MAP3K7CL: variants seen among roughly 807,000 people sequenced by gnomAD.
The protein encoded by MAP3K7CL is MAP3K7 C-terminal like, also known as MAP3K7 C-terminal-like protein.
MAP3K7CL carries 16 observed loss-of-function variants against 18.6 expected under a neutral mutation model. That is an observed-to-expected ratio of 0.86 (90% confidence interval 0.58 to 1.31). The LOEUF is 1.31. MAP3K7CL is among the 50% of genes most tolerant of loss of function. The pLI is 0.00. For synonymous variants in MAP3K7CL, 65 were observed against 66.8 expected (o/e 0.97, Z 0.13); for missense variants, 163 against 174.4 (o/e 0.93, Z 0.37).
intron 1 of MAP3K7CL, among the ~76,000 whole-genome samples, chr21:29,086,917 T>G (rs2085934917): frequency 6.6e-6 from 1 of 152,190 alleles, no homozygotes; most frequent in Non-Finnish European, 1.5e-5. Flanking sequence ...GTTATCTCAG[T>G]CTTCACGACC....
chr21:29,147,780 T>C (rs1439567167), intron 2 of MAP3K7CL, among the ~76,000 whole-genome samples: 1 of 151,816 alleles, frequency 6.6e-6, no homozygotes, highest in East Asian at 1.9e-4. Context: ...GTACTGTATA[T>C]ATCTAACTGT....
intron 4 of MAP3K7CL, among the ~76,000 whole-genome samples, chr21:29,102,819 G>A (rs1405604526): frequency 6.6e-6 from 1 of 152,144 alleles, no homozygotes; most frequent in African/African-American, 2.4e-5. Flanking sequence ...TCTGGGGGAA[G>A]CTGCCATGTG....
chr21:29,085,720 C>G (rs2085913573), upstream of MAP3K7CL: 1 of 741,952 alleles, frequency 1.3e-6, no homozygotes, highest in African/African-American at 1.7e-5. Flanking sequence ...CTGTATTTAA[C>G]ATTAATTGAA....
At chr21:29,112,947 T>C (rs2898159) in intron 4 of MAP3K7CL, among the ~76,000 whole-genome samples, 27,841 of 152,058 alleles carry the variant, frequency 0.18, 2,804 homozygotes, top group South Asian at 0.23. Flanking sequence ...TTGCTGAGAT[T>C]ACAGGCCTGT....
Position 29,175,021 on chromosome 21 carries a change from AATGAGT to A in MAP3K7CL, c.*130_*135del, listed in dbSNP as rs2087935269. On this transcript the variant is annotated 3_prime_UTR_variant, in exon 5 of 5. Transcript: ENST00000399928. ...TATTACCCACATGACAACTGTCTAT[AATGAGT>A]TTACTGCTTGCCAGCTTCTAGCTTG... 1.1e-6 allele frequency: 1 copy of A among 891,036 alleles called. No homozygotes were observed. The allele number at this position is 891,036 out of a possible 1,614,324, so 55.2% of individuals were successfully genotyped here.
intron 1 of MAP3K7CL, among the ~76,000 whole-genome samples, chr21:29,090,307 C>A (rs1014707299): frequency 1.3e-5 from 2 of 152,100 alleles, no homozygotes; most frequent in African/African-American, 4.8e-5. Context: ...TCTTTTCTTT[C>A]TTCTACCAAA....
chr21:29,085,750 AT>A, upstream of MAP3K7CL: 1 of 1,009,758 alleles, frequency 9.9e-7, no homozygotes. Context: ...CATGGTTAGT[AT>A]GTTGTTTGAA....
chr21:29,150,618 T>G (rs1601245595), intron 3 of MAP3K7CL, among the ~76,000 whole-genome samples: 1 of 151,754 alleles, frequency 6.6e-6, no homozygotes, highest in East Asian at 1.9e-4. Flanking sequence ...AGCCATCACG[T>G]CTCCCTCTTT....
At chr21:29,136,112 TG>T (rs1392486935) in intron 2 of MAP3K7CL, among the ~76,000 whole-genome samples, 4 of 152,230 alleles carry the variant, frequency 2.6e-5, no homozygotes, top group African/African-American at 9.6e-5. Context: ...CCTCCTCCTA[TG>T]TTTTATGCAT....
chr21:29,133,029 A>T (rs1367506171), intron 1 of MAP3K7CL, among the ~76,000 whole-genome samples: 1 of 152,206 alleles, frequency 6.6e-6, no homozygotes, highest in Non-Finnish European at 1.5e-5. Context: ...GTGTAAAAAG[A>T]TATTGAGCAA....
intron 1 of MAP3K7CL, among the ~76,000 whole-genome samples, chr21:29,080,327 T>C (rs1010111452): frequency 2.0e-5 from 3 of 152,252 alleles, no homozygotes; most frequent in African/African-American, 7.2e-5. Flanking sequence ...GATACTTTCA[T>C]GTGAGGATTG....
chr21:29,109,050 G>T (rs2832181), intron 4 of MAP3K7CL: 764,615 of 1,530,994 alleles, frequency 0.5, 192,845 homozygotes, highest in East Asian at 0.67. Flanking sequence ...GTTGACATTC[G>T]TAACCTTCCT....
chr21:29,102,507 G>A (rs2146534697), intron 4 of MAP3K7CL: 1 of 141,952 alleles, frequency 7.0e-6, no homozygotes, highest in Non-Finnish European at 1.5e-5. Context: ...TTTAAACACA[G>A]GGTCTCGCTA....
At chr21:29,085,738 G>A (rs1009195496), upstream of MAP3K7CL, 13 of 894,986 alleles carry the variant, frequency 1.5e-5, no homozygotes, top group African/African-American at 3.3e-5. Context: ...GAATGCCAAC[G>A]GCATGGTTAG....
chr21:29,140,880 C>CTA (rs2063459077), intron 2 of MAP3K7CL, among the ~76,000 whole-genome samples: 1 of 152,178 alleles, frequency 6.6e-6, no homozygotes, highest in African/African-American at 2.4e-5. Flanking sequence ...TGGGCTCAAA[C>CTA]TATCCTCCCA....
chr21:29,109,320 A>G (rs2086380077), intron 4 of MAP3K7CL: 2 of 1,432,150 alleles, frequency 1.4e-6, no homozygotes, highest in Non-Finnish European at 9.1e-7. Context: ...CATGATCACT[A>G]TTCCTTCTAG....
At position 29,161,953 on chromosome 21, in the gene MAP3K7CL, G is replaced by A. The variant is rs185439341; in HGVS notation, c.248+1897G>A. On this transcript the variant is annotated intron_variant, in intron 4 of 4. Transcript: ENST00000399928. ...TGTATCTAGACTTTTGGCTACAGGG[G>A]ATTAAAAGATGTTTATTAGGAGGTC... Among the ~76,000 whole-genome samples the A allele has an allele frequency of 2.0e-5, 3 of 152,206 alleles. No individual in the cohort carries two copies. In the East Asian group the frequency reaches 5.8e-4, roughly 29 times the overall value.
intron 2 of MAP3K7CL, among the ~76,000 whole-genome samples, chr21:29,145,174 G>A (rs964273539): frequency 4.6e-5 from 7 of 151,536 alleles, no homozygotes; most frequent in East Asian, 1.9e-4. Context: ...GCCAATTTGC[G>A]TAAGTCTGAG....
At chr21:29,127,105 A>G (rs1173955192), upstream of MAP3K7CL, among the ~76,000 whole-genome samples, 1 of 152,204 alleles carries the variant, frequency 6.6e-6, no homozygotes, top group Non-Finnish European at 1.5e-5. Context: ...GGAACATACC[A>G]AGCTACATAC....
Sources: gnomAD v4.1 joint callset for allele counts (sites outside exome capture counted in the v4.1 genomes callset) on GRCh38, gnomAD v4.1.1 for gene constraint, MANE v1.5 for transcripts, NCBI Gene and HGNC (gene_info 2026-07-23, HGNC 2026-07-21) for gene names.